Variants in ULK4 observed in about 807,000 individuals in gnomAD.
ULK4 encodes the protein unc-51 like kinase 4, also known as inactive serine/threonine-protein kinase ULK4.
In ULK4, 133 loss-of-function variants were observed where a neutral mutation model predicts 160.6. That is an observed-to-expected ratio of 0.83 (90% CI 0.72 to 0.96). ULK4 has a LOEUF of 0.96. Ranked by LOEUF, ULK4 falls within the 40% of genes least tolerant of loss-of-function variation. The probability of loss-of-function intolerance (pLI) is 0.00; values close to 1 mark genes in which losing one functional copy is unlikely to be tolerated. For synonymous variants in ULK4, 534 were observed against 539.8 expected (o/e 0.99, Z 0.15); for missense variants, 1,580 against 1,499.5 (o/e 1.05, Z -0.89).
At chr3:41,405,327 G>C (rs2082271998) in intron 34 of ULK4, among the ~76,000 whole-genome samples, 1 of 152,074 alleles carries the variant, frequency 6.6e-6, no homozygotes, top group African/African-American at 2.4e-5. Flanking sequence ...TTATGGATGT[G>C]TATTATTTTA....
chr3:41,872,855 T>C (rs1697149402), intron 17 of ULK4, among the ~76,000 whole-genome samples: 1 of 151,828 alleles, frequency 6.6e-6, no homozygotes, highest in South Asian at 2.1e-4. Context: ...GAGCTGAAGA[T>C]AAAAATCAAC....
At chr3:41,573,925 GA>G (rs1403056080) in intron 31 of ULK4, among the ~76,000 whole-genome samples, 2 of 152,198 alleles carry the variant, frequency 1.3e-5, no homozygotes, top group African/African-American at 4.8e-5. Context: ...TTGAGGGGAA[GA>G]GGACACATTT....
intron 17 of ULK4, among the ~76,000 whole-genome samples, chr3:41,869,779 T>G (rs1347801877): frequency 6.6e-6 from 1 of 152,170 alleles, no homozygotes; most frequent in African/African-American, 2.4e-5. Flanking sequence ...TATGAAAAAT[T>G]GTTTATTTTC....
intron 30 of ULK4, among the ~76,000 whole-genome samples, chr3:41,656,968 A>T (rs1230147235): frequency 2.0e-5 from 3 of 152,188 alleles, no homozygotes; most frequent in Non-Finnish European, 4.4e-5. Flanking sequence ...GCTTTCTCTG[A>T]GAGGAATGGT....
intron 32 of ULK4, among the ~76,000 whole-genome samples, chr3:41,526,872 G>C (rs937135432): frequency 6.6e-6 from 1 of 151,580 alleles, no homozygotes; most frequent in Non-Finnish European, 1.5e-5. Context: ...GAGTATATGA[G>C]AGTAAAATAA....
chr3:41,317,342 T>C (rs1488168168), intron 35 of ULK4, among the ~76,000 whole-genome samples: 1 of 152,208 alleles, frequency 6.6e-6, no homozygotes, highest in Non-Finnish European at 1.5e-5. Context: ...CCCAAAGTGC[T>C]GGGGTTACAG....
chr3:41,383,537 A>G (rs1207843142), intron 35 of ULK4, among the ~76,000 whole-genome samples: 2 of 152,234 alleles, frequency 1.3e-5, no homozygotes, highest in Non-Finnish European at 2.9e-5. Context: ...CTGCGCAGCA[A>G]AAGCTGCACG....
chr3:41,751,810 G>T (rs1456257759), intron 22 of ULK4, among the ~76,000 whole-genome samples: 1 of 152,204 alleles, frequency 6.6e-6, no homozygotes, highest in African/African-American at 2.4e-5. Context: ...GAGGAAGCCA[G>T]TCATGCAAGC....
chr3:41,607,614 A>G (rs377125472), intron 31 of ULK4, among the ~76,000 whole-genome samples: 1 of 152,202 alleles, frequency 6.6e-6, no homozygotes, highest in African/African-American at 2.4e-5. Flanking sequence ...AATTTATCCT[A>G]TAGAAACTCA....
At chr3:41,819,110 G>A (rs753623701) in intron 19 of ULK4, among the ~76,000 whole-genome samples, 4 of 152,284 alleles carry the variant, frequency 2.6e-5, no homozygotes, top group East Asian at 1.9e-4. Flanking sequence ...CTAAACTAGT[G>A]TATCAATAAT....
chr3:41,858,153 T>C (rs866374376), intron 17 of ULK4, among the ~76,000 whole-genome samples: 2 of 125,250 alleles, frequency 1.6e-5, no homozygotes, highest in Non-Finnish European at 3.1e-5. Context: ...GTTTGTTTTT[T>C]TTTTTTTTTT....
At chr3:41,619,817 A>G (rs1209339771) in intron 30 of ULK4, among the ~76,000 whole-genome samples, 1 of 152,204 alleles carries the variant, frequency 6.6e-6, no homozygotes, top group African/African-American at 2.4e-5. Context: ...CAAAATAATC[A>G]ATTAATCCAG....
rs572358924 is a variant in ULK4, at chr3:41,737,596, GCTAT to G, written c.2321+16761_2321+16764del. Among the ~76,000 whole-genome samples, 57 of 151,868 alleles carry G rather than the reference GCTAT, an allele frequency of 3.8e-4. 3 individuals are homozygous for G. Among genetic ancestry groups the G allele is most frequent in the Admixed American group, 1.5e-3 (23 of 15,270 alleles). ...AAAAGAACAAAGCTGGAGGCATCAC[GCTAT>G]CTAAGTCCATTTTTATCTGTTTAAT... On this transcript the variant is annotated intron_variant, in intron 22 of 36. Coordinates refer to ENST00000301831, the MANE Select transcript of ULK4 (RefSeq NM_017886.4).
chr3:41,267,965 G>T (rs1331475529), intron 35 of ULK4, among the ~76,000 whole-genome samples: 1 of 152,214 alleles, frequency 6.6e-6, no homozygotes, highest in Non-Finnish European at 1.5e-5. Context: ...GTTTGATTCA[G>T]TGGCTTCATG....
intron 21 of ULK4, among the ~76,000 whole-genome samples, chr3:41,757,436 A>C (rs180784429): frequency 1.3e-5 from 2 of 151,862 alleles, no homozygotes; most frequent in East Asian, 3.9e-4. Context: ...ATCAAGACCA[A>C]CCTGGCTAAC....
chr3:41,595,275 A>ACCTCTT (rs1241880652), intron 31 of ULK4, among the ~76,000 whole-genome samples: 3 of 151,948 alleles, frequency 2.0e-5, no homozygotes, highest in South Asian at 2.1e-4. Context: ...AAGTGACTTG[A>ACCTCTT]CCTCTTCCTC....
At chr3:41,793,525 T>G (rs918689944) in intron 20 of ULK4, among the ~76,000 whole-genome samples, 1 of 152,166 alleles carries the variant, frequency 6.6e-6, no homozygotes, top group Non-Finnish European at 1.5e-5. Flanking sequence ...CTGAGAGATC[T>G]TAAGATATAT....
At chr3:41,871,247 AT>A (rs1697079174) in intron 17 of ULK4, among the ~76,000 whole-genome samples, 1 of 152,206 alleles carries the variant, frequency 6.6e-6, no homozygotes, top group South Asian at 2.1e-4. Flanking sequence ...ATTCATCATA[AT>A]GCCCTTGAAA....
intron 27 of ULK4, among the ~76,000 whole-genome samples, chr3:41,694,800 T>C (rs1436482229): frequency 6.6e-6 from 1 of 152,188 alleles, no homozygotes; most frequent in Non-Finnish European, 1.5e-5. Context: ...TGTATTATCA[T>C]TTTTCATCTT....
Sources: gnomAD v4.1 joint callset for allele counts (sites outside exome capture counted in the v4.1 genomes callset) on GRCh38, gnomAD v4.1.1 for gene constraint, MANE v1.5 for transcripts, NCBI Gene and HGNC (gene_info 2026-07-23, HGNC 2026-07-21) for gene names.